Variants in EFTUD2 observed in about 807,000 individuals in gnomAD.
EFTUD2 encodes the protein 116 kDa U5 small nuclear ribonucleoprotein component.
Under a neutral mutation model 114.3 loss-of-function variants are expected in EFTUD2, and 9 were observed. That is an observed-to-expected ratio of 0.08 (90% confidence interval 0.05 to 0.14). The LOEUF is 0.14. EFTUD2 is among the 10% of genes least tolerant of loss of function. EFTUD2 has a pLI of 1.00. For synonymous variants in EFTUD2, 449 were observed against 462.3 expected (o/e 0.97, Z 0.37); for missense variants, 765 against 1,241.2 (o/e 0.62, Z 5.76).
chr17:44,883,775 T>C (rs1475731648), intron 4 of EFTUD2, 51 bp from the exon 5 acceptor site: 1 of 1,573,062 alleles, frequency 6.4e-7, no homozygotes, highest in Non-Finnish European at 8.7e-7. Context: ...CGTTTCCAAA[T>C]GAGGAGTGGT....
rs368432735 is a variant in EFTUD2 at position 44,860,513 on chromosome 17, A to G, written c.1638T>C (p.Ala546=). Residue 546 remains alanine (A), a synonymous_variant, in exon 17 of 28, where the codon GCT becomes GCC. Transcript: ENST00000426333. ...RYHIEVNRVP[A]GNWVLIEGVD... is the part of the protein sequence containing the mutation. ...CACCTTCAATCAGAACCCAGTTGCC[A>G]GCAGGAACACGGTTCACCTCGATGT... The G allele has an allele frequency of 3.7e-6, 6 of 1,613,930 alleles. No individual in the cohort carries two copies. In the African/African-American group the frequency reaches 8.0e-5, roughly 22 times the overall value.
At chr17:44,880,036 G>C (rs577776326) in intron 8 of EFTUD2, among the ~76,000 whole-genome samples, 2 of 152,334 alleles carry the variant, frequency 1.3e-5, no homozygotes, top group Admixed American at 6.5e-5. Context: ...TATGGGGGCA[G>C]GGGCTGAGAG....
At chr17:44,868,087 G>A (rs2050783359) in intron 12 of EFTUD2, among the ~76,000 whole-genome samples, 190 bp from the exon 13 acceptor site, 1 of 151,452 alleles carries the variant, frequency 6.6e-6, no homozygotes, top group Admixed American at 6.6e-5. Context: ...GAGCTGGGCT[G>A]TAAAGACTTC....
Position 44,859,982 on chromosome 17 carries a change from C to T in EFTUD2, c.1783G>A (p.Val595Ile). 6.2e-7 allele frequency: 1 copy of T among 1,614,244 alleles called. No homozygotes were observed. The highest frequency in any genetic ancestry group is 8.5e-7 in the Non-Finnish European group (1 of 1,180,046). ...ATCTTGGGCAGCTCTGAGGGGTTGA[C>T]TGGCTCCACAGCAATCTTGATAACA... ...TSVIKIAVEP[V>I]NPSELPKMLD... Residue 595 changes from valine to isoleucine, a missense_variant, in exon 18 of 28, where the codon GTC becomes ATC. Val to Ile is a conservative substitution (Grantham distance 29). Around this residue, in one of 6 missense-constraint regions of EFTUD2, gnomAD observed 149 missense variants for 245.1 expected, o/e 0.61. Coordinates refer to ENST00000426333, the MANE Select transcript of EFTUD2 (RefSeq NM_004247.4).
At chr17:44,866,892 C>T (rs1287252927) in intron 13 of EFTUD2, among the ~76,000 whole-genome samples, 3 of 152,144 alleles carry the variant, frequency 2.0e-5, no homozygotes, top group African/African-American at 7.2e-5. Context: ...TCACTTGAGG[C>T]TACAAGTTTG....
At chr17:44,858,280 T>C (rs551041329) in intron 19 of EFTUD2, among the ~76,000 whole-genome samples, 2 of 152,218 alleles carry the variant, frequency 1.3e-5, no homozygotes, top group South Asian at 4.1e-4. Flanking sequence ...CTGTCACCCA[T>C]GCTAGGGTGC....
At chr17:44,881,580 A>G (rs1388011407) in intron 7 of EFTUD2, 107 bp downstream of exon 7, 4 of 1,152,522 alleles carry the variant, frequency 3.5e-6, no homozygotes, top group Non-Finnish European at 5.2e-6. Flanking sequence ...AGAGAGGAGT[A>G]GGATATGAAC....
chr17:44,885,068 G>GA, intron 4 of EFTUD2, among the ~76,000 whole-genome samples, 188 bp downstream of exon 4: 1 of 152,240 alleles, frequency 6.6e-6, no homozygotes, highest in East Asian at 1.9e-4. Flanking sequence ...CTAACATTTG[G>GA]ATGAACACCA....
chr17:44,894,773 T>C (rs1191590691), intron 1 of EFTUD2, among the ~76,000 whole-genome samples: 2 of 152,062 alleles, frequency 1.3e-5, no homozygotes, highest in Non-Finnish European at 2.9e-5. Context: ...GAGCAGAGAG[T>C]TGAATAGGCA....
chr17:44,896,876 T>C (rs2051395334), intron 1 of EFTUD2, among the ~76,000 whole-genome samples: 1 of 152,100 alleles, frequency 6.6e-6, no homozygotes. Context: ...TAATCCTCAC[T>C]GAATAAATGG....
chr17:44,859,924 T>C lies in EFTUD2; in HGVS notation c.1841A>G (p.Tyr614Cys), dbSNP rs2050625918. The change falls in exon 18 of 28, where the codon TAT becomes TGT. Residue 614 changes from tyrosine (Y) to cysteine (C), a missense_variant. Tyr to Cys is a radical substitution (Grantham distance 194, BLOSUM62 -2). Around this residue, in one of 6 missense-constraint regions of EFTUD2, gnomAD observed 149 missense variants for 245.1 expected, o/e 0.61. Transcript: ENST00000426333. ...GCATACCTTGGTGGTGAGGGATGGA[T>C]AGCTCTTGTTGACCTTGCGCAGGCC... is the stretch of plus-strand genomic sequence containing the variant. ...LDGLRKVNKS[Y>C]PSLTTKVEES... 2 of 1,614,044 alleles carry C rather than the reference T, an allele frequency of 1.2e-6. No homozygotes were observed. The highest frequency in any genetic ancestry group is 1.7e-6 in the Non-Finnish European group (2 of 1,180,044).
chr17:44,851,839 G>A (rs745929731), intron 26 of EFTUD2, 22 bp from the exon 27 acceptor site: 1 of 1,590,286 alleles, frequency 6.3e-7, no homozygotes, highest in Non-Finnish European at 8.6e-7. Flanking sequence ...AGGAATTTCA[G>A]ATGGCCCAGG....
At chr17:44,888,583 G>C (rs752254345) in intron 2 of EFTUD2, among the ~76,000 whole-genome samples, 3 of 152,336 alleles carry the variant, frequency 2.0e-5, no homozygotes, top group Non-Finnish European at 4.4e-5. Flanking sequence ...GGAGTAGACA[G>C]AGTGGGAACT....
At chr17:44,882,406 C>T (rs1457760121) in intron 6 of EFTUD2, among the ~76,000 whole-genome samples, 4 of 151,924 alleles carry the variant, frequency 2.6e-5, no homozygotes, top group African/African-American at 4.8e-5. Context: ...TGTGCACCAC[C>T]GTGCCCACCC....
At chr17:44,866,421 T>C (rs1351169056) in intron 13 of EFTUD2, among the ~76,000 whole-genome samples, 1 of 151,544 alleles carries the variant, frequency 6.6e-6, no homozygotes, top group East Asian at 1.9e-4. Context: ...ATTTATTTTA[T>C]TTTTTTTGAG....
chr17:44,862,695 G>T lies in EFTUD2; in HGVS notation c.1607+18C>A. 6.2e-7 allele frequency: 1 copy of T among 1,607,574 alleles called. No homozygotes were observed. The highest frequency in any genetic ancestry group is 8.5e-7 in the Non-Finnish European group (1 of 1,176,140). ...GATAGACACCAAGGCATACTCCTGG[G>T]GCTCTGGTTGGCAGTACCTGGCCAC... On this transcript the variant is annotated intron_variant, in intron 16 of 27. Transcript: ENST00000426333.
intron 5 of EFTUD2, 158 bp downstream of exon 5, chr17:44,883,491 G>C (rs773418515): frequency 1.4e-6 from 1 of 721,362 alleles, no homozygotes. Flanking sequence ...GGAAAAGCCA[G>C]AATTTCACAG....
chr17:44,884,548 C>T (rs1202061103), intron 4 of EFTUD2, among the ~76,000 whole-genome samples: 1 of 149,224 alleles, frequency 6.7e-6, no homozygotes, highest in Non-Finnish European at 1.5e-5. Context: ...AGAGAGAGCA[C>T]CTAAATGATC....
Position 44,860,546 on chromosome 17 carries a change from G to T in EFTUD2, c.1608-3C>A. 1 of 1,587,388 alleles carries T rather than the reference G, an allele frequency of 6.3e-7. No individual in the cohort carries two copies. Among genetic ancestry groups the T allele is most frequent in the Non-Finnish European group, 8.6e-7 (1 of 1,156,286 alleles). On this transcript the variant is annotated splice_polypyrimidine_tract_variant and splice_region_variant and intron_variant, in intron 16 of 27. Coordinates refer to ENST00000426333, the MANE Select transcript of EFTUD2 (RefSeq NM_004247.4). ...CACGGTTCACCTCGATGTGGTACCT[G>T]AAGCAATGTCCAATAAGCAGCAGTG...
Sources: gnomAD v4.1 joint callset for allele counts (sites outside exome capture counted in the v4.1 genomes callset) on GRCh38, gnomAD v4.1.1 for gene constraint, gnomAD v4.1.1 regional missense constraint, MANE v1.5 for transcripts, NCBI Gene and HGNC (gene_info 2026-07-23, HGNC 2026-07-21) for gene names.